The following ADAMTS10 variants were observed in gnomAD, a reference collection of about 807,000 sequenced individuals.
The protein encoded by ADAMTS10 is A disintegrin and metalloproteinase with thrombospondin motifs 10.
A neutral mutation model predicts 135.9 loss-of-function variants in ADAMTS10; 48 were observed. The ratio of observed to expected loss-of-function variants is 0.35; its 90% CI spans 0.28 to 0.45. ADAMTS10 has a LOEUF of 0.45. Ranked by LOEUF, ADAMTS10 falls within the 20% of genes least tolerant of loss-of-function variation. The pLI is 1.00. For synonymous variants in ADAMTS10, 621 were observed against 647.5 expected (o/e 0.96, Z 0.62); for missense variants, 1,131 against 1,565.2 (o/e 0.72, Z 4.68).
rs544478646 is a variant in ADAMTS10, at chr19:8,605,908, A to C, written c.-99-99T>G. 9.3e-6 allele frequency: 11 copies of C among 1,184,160 alleles called. No homozygotes were observed. Among genetic ancestry groups the C allele is most frequent in the Non-Finnish European group, 1.3e-5 (11 of 871,358 alleles). 73.4% of individuals were successfully genotyped at this position (1,184,160 alleles called of 1,614,324 possible). ...GCCAAAGCTTTTCACCTGACTCTGA[A>C]GATTCTGAATGCATTTTCTCACTCA... On this transcript the variant is annotated intron_variant, in intron 2 of 25. Transcript: ENST00000597188. This position sits in a 1 kb window ranked among gnomAD's most constrained non-coding sequence, Gnocchi z 7.7.
At chr19:8,584,841 TG>T (rs1215980231) in intron 25 of ADAMTS10, 53 bp downstream of exon 25, 4 of 1,544,918 alleles carry the variant, frequency 2.6e-6, no homozygotes, top group Non-Finnish European at 3.5e-6. Context: ...ATGCCCTCTG[TG>T]GCTGCCTCTG....
Position 8,580,834 on chromosome 19 carries a change from C to CCGCT in ADAMTS10, c.*55_*58dup. 1 of 1,435,752 alleles carries CCGCT rather than the reference C, an allele frequency of 7.0e-7. No individual in the cohort carries two copies. The highest frequency in any genetic ancestry group is 1.2e-5 in the South Asian group (1 of 82,766). The allele number at this position is 1,435,752 out of a possible 1,614,324, so 88.9% of individuals were successfully genotyped here. ...CCCCCCGGGGCCCCCTCTGGCCGGC[C>CCGCT]CGCTGCAGGGCTGGCGGCGGAGACC... On this transcript the variant is annotated 3_prime_UTR_variant, in exon 26 of 26. Coordinates refer to ENST00000597188, the MANE Select transcript of ADAMTS10 (RefSeq NM_030957.4).
At chr19:8,594,346 C>T (rs1555739753) in intron 12 of ADAMTS10, among the ~76,000 whole-genome samples, 2 of 152,170 alleles carry the variant, frequency 1.3e-5, no homozygotes, top group South Asian at 2.1e-4. Flanking sequence ...AGGACTTGCA[C>T]CAATGCCATT....
In ADAMTS10 at chr19:8,603,735, T is replaced by C. The variant is rs1568406358; in HGVS notation, c.585A>G (p.Gly195=). 6.2e-7 allele frequency: 1 copy of C among 1,614,096 alleles called. No individual in the cohort carries two copies. The highest frequency in any genetic ancestry group is 1.7e-5 in the Admixed American group (1 of 60,016). ...LRHPHLDTAC[G]VRDEKPWKGR... is the part of the protein sequence containing the mutation. ...CCAGAAAGACCGATGTACCTCTCAC[T>C]CCACAGGCTGTGTCCAGGTGGGGGT... The change falls in exon 5 of 26, where the codon GGA becomes GGG. Residue 195 remains glycine (G), a synonymous_variant. Coordinates refer to ENST00000597188, the MANE Select transcript of ADAMTS10 (RefSeq NM_030957.4).
Position 8,601,289 on chromosome 19 carries a change from C to A in ADAMTS10, c.593-144G>T. 1.1e-6 allele frequency: 1 copy of A among 912,694 alleles called. No individual in the cohort carries two copies. Among genetic ancestry groups the A allele is most frequent in the Non-Finnish European group, 1.7e-6 (1 of 582,432 alleles). 56.5% of individuals were successfully genotyped at this position (912,694 alleles called of 1,614,324 possible). A position where few individuals can be genotyped will look rare whatever the true frequency, so the allele number is the denominator to read the frequency against. ...ATTTCTGGTCATTCTGCTGCCTTCT[C>A]TTGTTGTCCAGCTACCTGTGTGATG... On this transcript the variant is annotated intron_variant, in intron 5 of 25. Coordinates refer to ENST00000597188, the MANE Select transcript of ADAMTS10 (RefSeq NM_030957.4). This position sits in a 1 kb window ranked among gnomAD's most constrained non-coding sequence, Gnocchi z 4.6.
intron 25 of ADAMTS10, among the ~76,000 whole-genome samples, chr19:8,582,886 G>A (rs1330495001): frequency 6.6e-6 from 1 of 152,174 alleles, no homozygotes; most frequent in African/African-American, 2.4e-5. Context: ...CTGACCTCAG[G>A]TGATCTGCCC....
At position 8,601,668 on chromosome 19, in the gene ADAMTS10, T is replaced by C. The variant is rs1170479457; in HGVS notation, c.593-523A>G. ...TGAGCCACTGCGCCTGGCTGCCTCA[T>C]TGTTTTGTCTATAGGGCATCTTGGC... is the stretch of plus-strand genomic sequence containing the variant. On this transcript the variant is annotated intron_variant, in intron 5 of 25. Coordinates refer to ENST00000597188, the MANE Select transcript of ADAMTS10 (RefSeq NM_030957.4). The surrounding 1 kb of genome is among the most constrained non-coding windows in gnomAD (Gnocchi z 4.6). Among the ~76,000 whole-genome samples the C allele has an allele frequency of 1.1e-4, 17 of 152,158 alleles. No homozygotes were observed. The highest frequency in any genetic ancestry group is 3.1e-4 in the African/African-American group (13 of 41,426).
At position 8,595,595 on chromosome 19, in the gene ADAMTS10, A is replaced by C. The variant is rs1310496586; in HGVS notation, c.1479+167T>G. The stretch of plus-strand genomic sequence containing the variant: ...TCTGATTGCTTAGGACATTTTGCAC[A>C]CTCCATGCACCTCTGTCCTCCCAGG... On this transcript the variant is annotated intron_variant, in intron 12 of 25. Coordinates refer to ENST00000597188, the MANE Select transcript of ADAMTS10 (RefSeq NM_030957.4). The C allele has an allele frequency of 1.0e-5, 11 of 1,053,306 alleles. No homozygotes were observed. The Admixed American group carries it at 2.0e-4, about 19-fold the overall frequency. The allele number at this position is 1,053,306 out of a possible 1,614,324, so 65.2% of individuals were successfully genotyped here. A position where few individuals can be genotyped will look rare whatever the true frequency, so the allele number is the denominator to read the frequency against.
intron 18 of ADAMTS10, among the ~76,000 whole-genome samples, chr19:8,588,943 C>A (rs1034409159): frequency 6.6e-6 from 1 of 152,026 alleles, no homozygotes; most frequent in Non-Finnish European, 1.5e-5. Flanking sequence ...AGGTGCTCGC[C>A]ACCACGCCCA....
rs1411647155 is a variant in ADAMTS10 at position 8,584,956 on chromosome 19, C to T, written c.3141G>A (p.Pro1047=). The part of the protein sequence containing the change: ...ASHECTEALR[P]PTTQQCEAKC... ...TGGCCTCACACTGCTGCGTGGTGGGCGGCCGCAGGGCCTCCGTGCACTCGT... is the reference window on the plus strand; with the variant it reads ...TGGCCTCACACTGCTGCGTGGTGGGTGGCCGCAGGGCCTCCGTGCACTCGT... The change falls in exon 25 of 26, where the codon CCG becomes CCA. Residue 1047 remains proline, a synonymous_variant. Coordinates refer to ENST00000597188, the MANE Select transcript of ADAMTS10 (RefSeq NM_030957.4). The T allele has an allele frequency of 6.5e-7, 1 of 1,547,952 alleles. No individual in the cohort carries two copies. Among genetic ancestry groups the T allele is most frequent in the East Asian group, 2.4e-5 (1 of 40,882 alleles).
At position 8,589,583 on chromosome 19, in the gene ADAMTS10, C is replaced by T. The variant is rs2146055556; in HGVS notation, c.1903G>A (p.Gly635Ser). The T allele has an allele frequency of 6.2e-7, 1 of 1,613,396 alleles. No individual in the cohort carries two copies. Among genetic ancestry groups the T allele is most frequent in the Non-Finnish European group, 8.5e-7 (1 of 1,179,978 alleles). Reference sequence around the variant, plus strand: ...CACGTGAGCGAGCAGGCCTTCACGCCCCCTGGGGGGCACGGCCCCGTCACA... The same window carrying T: ...CACGTGAGCGAGCAGGCCTTCACGCTCCCTGGGGGGCACGGCCCCGTCACA... ...FYKWKTYRGG[G>S]VKACSLTCLA... The change falls in exon 17 of 26, where the codon GGC (glycine) becomes AGC (serine). Residue 635 changes from glycine (G) to serine (S), a missense_variant and splice_region_variant. Physicochemically the swap from Gly to Ser is moderately conservative, Grantham distance 56. Around this residue, in one of 3 missense-constraint regions of ADAMTS10, gnomAD observed 745 missense variants for 1,056.3 expected, o/e 0.71. Transcript: ENST00000597188.
At position 8,592,023 on chromosome 19, in the gene ADAMTS10, C is replaced by T. The variant is rs1555739094; in HGVS notation, c.1668G>A (p.Trp556Ter). ...VDGAWGPWTPWGDCSRTCGGG... is the reference protein window; with the variant it reads ...VDGAWGPWTP ...CGCCACAGGTCCGGCTGCAGTCGCC[C>T]CATGGAGTCCACGGCCCCCAGGCTC... Residue 556 changes from tryptophan (W) to a stop codon, truncating the protein, a stop_gained, in exon 14 of 26, where the codon TGG becomes TGA. Coordinates refer to ENST00000597188, the MANE Select transcript of ADAMTS10 (RefSeq NM_030957.4). LOFTEE classifies it high-confidence loss of function. 6.2e-7 allele frequency: 1 copy of T among 1,613,732 alleles called. No individual in the cohort carries two copies. The highest frequency in any genetic ancestry group is 1.3e-5 in the African/African-American group (1 of 75,046).
intron 25 of ADAMTS10, among the ~76,000 whole-genome samples, chr19:8,584,028 G>C (rs2146035339): frequency 6.7e-6 from 1 of 148,796 alleles, no homozygotes; most frequent in South Asian, 2.1e-4. Context: ...GTGGTGGCGG[G>C]CACCTGTACT....
chr19:8,603,829 C>G lies in ADAMTS10; in HGVS notation c.491G>C (p.Gly164Ala). 44 of 1,614,040 alleles carry G rather than the reference C, an allele frequency of 2.7e-5. No individual in the cohort carries two copies. Among genetic ancestry groups the G allele is most frequent in the Non-Finnish European group, 3.7e-5 (44 of 1,180,018 alleles). ...CTCCGGGCTCCGAGAACCCTTGGGCCCACCGTGCAGGGGCTCAATCAGGTA... is the reference window on the plus strand; with the variant it reads ...CTCCGGGCTCCGAGAACCCTTGGGCGCACCGTGCAGGGGCTCAATCAGGTA... ...EEYLIEPLHG[G>A]PKGSRSPEES... is the part of the protein sequence containing the mutation. The change falls in exon 5 of 26, where the codon GGG becomes GCG. Residue 164 changes from glycine to alanine, a missense_variant. By Grantham distance (60) the Gly-to-Ala change is moderately conservative. This residue lies in a region of ADAMTS10 where 306 missense variants were observed against 344.4 expected (regional missense o/e 0.89). Coordinates refer to ENST00000597188, the MANE Select transcript of ADAMTS10 (RefSeq NM_030957.4).
intron 6 of ADAMTS10, among the ~76,000 whole-genome samples, chr19:8,597,526 C>T (rs2042619571): frequency 6.6e-6 from 1 of 152,066 alleles, no homozygotes; most frequent in Admixed American, 6.6e-5. Context: ...AACTCCTGAC[C>T]TCAAGTGATC....
In ADAMTS10 at chr19:8,589,524, C is replaced by T; in HGVS notation, c.1962G>A (p.Arg654=). Residue 654 remains arginine (R), a synonymous_variant, in exon 17 of 26, where the codon AGG becomes AGA. Coordinates refer to ENST00000597188, the MANE Select transcript of ADAMTS10 (RefSeq NM_030957.4). ...LAEGFNFYTE[R]AAAVVDGTPC... is the part of the protein sequence containing the mutation. ...GTGTCCCGTCCACCACGGCTGCCGC[C>T]CTCTCCGTGTAGAAGTTGAAGCCTT... 6.2e-7 allele frequency: 1 copy of T among 1,613,460 alleles called. No individual in the cohort carries two copies. Among genetic ancestry groups the T allele is most frequent in the Non-Finnish European group, 8.5e-7 (1 of 1,179,946 alleles).
At chr19:8,592,139 C>T in intron 13 of ADAMTS10, 36 bp from the exon 14 acceptor site, 1 of 1,613,246 alleles carries the variant, frequency 6.2e-7, no homozygotes, top group Admixed American at 1.7e-5. Flanking sequence ...TGAGTCCAGC[C>T]CGGAGGACAC....
rs782257394 is a variant in ADAMTS10, at chr19:8,603,828, C to T, written c.492G>A (p.Gly164=). 104 of 1,613,922 alleles carry T rather than the reference C, an allele frequency of 6.4e-5. No individual in the cohort carries two copies. The highest frequency in any genetic ancestry group is 8.4e-5 in the Non-Finnish European group (99 of 1,180,022). ...EEYLIEPLHG[G]PKGSRSPEES... ...CCTCCGGGCTCCGAGAACCCTTGGG[C>T]CCACCGTGCAGGGGCTCAATCAGGT... Residue 164 remains glycine (G), a synonymous_variant, in exon 5 of 26, where the codon GGG becomes GGA. Transcript: ENST00000597188.
rs1555742208 is a variant in ADAMTS10, at chr19:8,605,030, G to A, written c.417C>T (p.Ile139=). 1.9e-6 allele frequency: 3 copies of A among 1,608,340 alleles called. No homozygotes were observed. Among genetic ancestry groups the A allele is most frequent in the Non-Finnish European group, 2.5e-6 (3 of 1,177,962 alleles). ...QGQASSSHVA[I]STCGGLHGLI... ...AGCTCACCAGGCCTCCACAGGTGCTGATGGCCACATGGGAGCTGCTGGCCT... is the reference window on the plus strand; with the variant it reads ...AGCTCACCAGGCCTCCACAGGTGCTAATGGCCACATGGGAGCTGCTGGCCT... The change falls in exon 4 of 26, where the codon ATC becomes ATT. Residue 139 remains isoleucine (I), a synonymous_variant. Coordinates refer to ENST00000597188, the MANE Select transcript of ADAMTS10 (RefSeq NM_030957.4). This position sits in a 1 kb window ranked among gnomAD's most constrained non-coding sequence, Gnocchi z 7.7.
Sources: gnomAD v4.1 joint callset for allele counts (sites outside exome capture counted in the v4.1 genomes callset) on GRCh38, gnomAD v4.1.1 for gene constraint, gnomAD v4.1.1 regional missense constraint, Gnocchi (gnomAD v3.1) non-coding constraint, MANE v1.5 for transcripts, NCBI Gene and HGNC (gene_info 2026-07-23, HGNC 2026-07-21) for gene names.